The following RTP4 variants were observed in gnomAD, a reference collection of about 807,000 sequenced individuals.
The protein encoded by RTP4 is receptor transporter protein 4, also known as receptor-transporting protein 4.
RTP4 carries 5 observed loss-of-function variants against 6.5 expected under a neutral mutation model. That is an observed-to-expected ratio of 0.77 (90% CI 0.40 to 1.62). The LOEUF is 1.62. Among genes scored for constraint, RTP4 ranks in the 40% most tolerant of loss-of-function variants. The pLI, the probability that RTP4 is intolerant of heterozygous loss-of-function variation, is 0.02. For missense variants in RTP4, 266 were observed against 288.7 expected (o/e 0.92, Z 0.57); for synonymous variants, 112 against 114.8 (o/e 0.98, Z 0.15).
intron 1 of RTP4, 72 bp from the exon 2 acceptor site, chr3:187,370,714 CAG>C: frequency 9.8e-7 from 1 of 1,019,878 alleles, no homozygotes; most frequent in South Asian, 1.6e-5. Context: ...ATGTTAGTGA[CAG>C]GGGCCAAGAC....
chr3:187,371,572 G>A lies in RTP4; in HGVS notation c.*199G>A, dbSNP rs953051792. ...AATGGATTTAGTAATAAATATTGTC[G>A]AATTGCTAAAAAGTCTTCAATCATT... is the stretch of plus-strand genomic sequence containing the variant. On this transcript the variant is annotated 3_prime_UTR_variant, in exon 2 of 2. Transcript: ENST00000259030. 5.6e-5 allele frequency: 31 copies of A among 558,088 alleles called. No individual in the cohort carries two copies. The highest frequency in any genetic ancestry group is 8.5e-5 in the Non-Finnish European group (27 of 315,858). The allele number at this position is 558,088 out of a possible 1,614,324, so 34.6% of individuals were successfully genotyped here. A position where few individuals can be genotyped will look rare whatever the true frequency, so the allele number is the denominator to read the frequency against.
intron 1 of RTP4, among the ~76,000 whole-genome samples, chr3:187,369,707 A>G (rs1015563218): frequency 2.6e-5 from 4 of 151,864 alleles, no homozygotes; most frequent in Admixed American, 2.6e-4. Context: ...CAAATACAGT[A>G]TATGCTTATT....
intron 1 of RTP4, among the ~76,000 whole-genome samples, chr3:187,369,883 A>C (rs1193823895): frequency 6.6e-6 from 1 of 152,182 alleles, no homozygotes; most frequent in African/African-American, 2.4e-5. Flanking sequence ...TGAGGGACTC[A>C]TGATGTCTTA....
Position 187,371,545 on chromosome 3 carries a change from A to C in RTP4, c.*172A>C. ...AACAGTATGAAACATGACCAAGTAC[A>C]TAATGGATTTAGTAATAAATATTGT... On this transcript the variant is annotated 3_prime_UTR_variant, in exon 2 of 2. Transcript: ENST00000259030. 1 of 588,310 alleles carries C rather than the reference A, an allele frequency of 1.7e-6. No individual in the cohort carries two copies. Among genetic ancestry groups the C allele is most frequent in the Non-Finnish European group, 3.0e-6 (1 of 333,996 alleles). 36.4% of individuals were successfully genotyped at this position (588,310 alleles called of 1,614,324 possible). A position where few individuals can be genotyped will look rare whatever the true frequency, so the allele number is the denominator to read the frequency against.
intron 1 of RTP4, among the ~76,000 whole-genome samples, chr3:187,369,758 C>T (rs974515381): frequency 2.0e-5 from 3 of 152,082 alleles, no homozygotes; most frequent in Admixed American, 6.5e-5. Flanking sequence ...GCCTCCTAAA[C>T]GTCTCCAGAA....
rs374052366 is a variant in RTP4, at chr3:187,370,956, G to A, written c.324G>A (p.Ser108=). The stretch of plus-strand genomic sequence containing the variant: ...AATATGAGATGCCTGAGTTCTCCTC[G>A]GATAGCACCATGAGGATTCTGAGCA... The part of the protein sequence containing the change: ...WSQYEMPEFS[S]DSTMRILSNL... Residue 108 remains serine, a synonymous_variant, in exon 2 of 2, where the codon TCG becomes TCA. Coordinates refer to ENST00000259030, the MANE Select transcript of RTP4 (RefSeq NM_022147.3). 8 of 1,613,998 alleles carry A rather than the reference G, an allele frequency of 5.0e-6. No homozygotes were observed. The highest frequency in any genetic ancestry group is 2.7e-5 in the African/African-American group (2 of 74,892).
intron 1 of RTP4, 125 bp downstream of exon 1, chr3:187,368,721 G>A (rs1229115590): frequency 5.7e-6 from 5 of 870,316 alleles, no homozygotes; most frequent in Non-Finnish European, 1.7e-6. Flanking sequence ...ATCCTATTGT[G>A]GTCATAGTAC....
Position 187,371,321 on chromosome 3 carries a change from T to C in RTP4, c.689T>C (p.Val230Ala). Residue 230 changes from valine (V) to alanine (A), a missense_variant, in exon 2 of 2, where the codon GTC becomes GCC. Transcript: ENST00000259030. ...SRDPDPLNIC[V>A]FILLLVFIVV... ...GACCCAGATCCACTGAACATCTGTG[T>C]CTTTATTTTGCTGCTTGTATTTATT... is the stretch of plus-strand genomic sequence containing the variant. 1 of 1,602,360 alleles carries C rather than the reference T, an allele frequency of 6.2e-7. No homozygotes were observed. Among genetic ancestry groups the C allele is most frequent in the Non-Finnish European group, 8.5e-7 (1 of 1,179,924 alleles).
In RTP4 at chr3:187,371,499, G is replaced by A; in HGVS notation, c.*126G>A. ...GATCAAGTTTGTAGAATAAACACTG[G>A]TTTCCTAGCCATCCTCTGAAAACAG... On this transcript the variant is annotated 3_prime_UTR_variant, in exon 2 of 2. Coordinates refer to ENST00000259030, the MANE Select transcript of RTP4 (RefSeq NM_022147.3). 1.5e-6 allele frequency: 1 copy of A among 664,150 alleles called. No individual in the cohort carries two copies. The highest frequency in any genetic ancestry group is 2.5e-6 in the Non-Finnish European group (1 of 395,258). 41.1% of individuals were successfully genotyped at this position (664,150 alleles called of 1,614,324 possible).
At chr3:187,369,524 G>T (rs1032198395) in intron 1 of RTP4, among the ~76,000 whole-genome samples, 1 of 151,754 alleles carries the variant, frequency 6.6e-6, no homozygotes, top group African/African-American at 2.4e-5. Flanking sequence ...GCATTCTCTG[G>T]TTCTCCTAGG....
intron 1 of RTP4, 23 bp from the exon 2 acceptor site, chr3:187,370,765 G>T: frequency 6.3e-7 from 1 of 1,583,106 alleles, no homozygotes; most frequent in South Asian, 1.1e-5. Context: ...AAGGCATAAT[G>T]GGTGTCTTCC....
chr3:187,369,041 G>C (rs1711555269), intron 1 of RTP4, among the ~76,000 whole-genome samples: 1 of 149,684 alleles, frequency 6.7e-6, no homozygotes, highest in Admixed American at 6.6e-5. Flanking sequence ...TTAAGAATTG[G>C]CTAAGATCAA....
intron 1 of RTP4, among the ~76,000 whole-genome samples, chr3:187,369,040 G>A (rs1189210181): frequency 6.7e-6 from 1 of 148,290 alleles, no homozygotes; most frequent in Admixed American, 6.7e-5. Flanking sequence ...CTTAAGAATT[G>A]GCTAAGATCA....
intron 1 of RTP4, among the ~76,000 whole-genome samples, chr3:187,368,949 C>G (rs1711553322): frequency 6.6e-6 from 1 of 152,074 alleles, no homozygotes; most frequent in African/African-American, 2.4e-5. Flanking sequence ...TGACCAGCTT[C>G]CCCCAGCTGC....
intron 1 of RTP4, among the ~76,000 whole-genome samples, chr3:187,369,315 G>C (rs1243243611): frequency 1.3e-5 from 2 of 152,078 alleles, no homozygotes; most frequent in Non-Finnish European, 2.9e-5. Context: ...GTTTTCATCT[G>C]ACCTATTACT....
Position 187,368,419 on chromosome 3 carries a change from T to TTGAGAGAGGG in RTP4, c.-23_-22insTGAGAGAGGG, listed in dbSNP as rs773027682. The stretch of plus-strand genomic sequence containing the variant: ...AGAAACGAGCAAACCTGAAAGCTAC[T>TTGAGAGAGGG]CTCTCAGCTTCAGAGGGAAAAAATG... On this transcript the variant is annotated 5_prime_UTR_variant, in exon 1 of 2. Coordinates refer to ENST00000259030, the MANE Select transcript of RTP4 (RefSeq NM_022147.3). 113 of 1,591,848 alleles carry TTGAGAGAGGG rather than the reference T, an allele frequency of 7.1e-5. No homozygotes were observed. The African/African-American group carries it at 1.3e-3, about 18-fold the overall frequency.
chr3:187,370,169 CT>C (rs1649467540), intron 1 of RTP4, among the ~76,000 whole-genome samples: 1 of 152,184 alleles, frequency 6.6e-6, no homozygotes, highest in South Asian at 2.1e-4. Flanking sequence ...CTGATGTAAA[CT>C]GGATCTTCAA....
chr3:187,369,043 T>G (rs535037571), intron 1 of RTP4, among the ~76,000 whole-genome samples: 1 of 150,268 alleles, frequency 6.7e-6, no homozygotes, highest in Non-Finnish European at 1.5e-5. Flanking sequence ...AAGAATTGGC[T>G]AAGATCAAGC....
At chr3:187,370,532 C>G (rs1711585446) in intron 1 of RTP4, among the ~76,000 whole-genome samples, 2 of 152,132 alleles carry the variant, frequency 1.3e-5, no homozygotes, top group Admixed American at 6.5e-5. Flanking sequence ...GATTTTCCCT[C>G]AGAGGCATCT....
Sources: allele counts gnomAD v4.1 joint callset (sites outside exome capture counted in the v4.1 genomes callset), GRCh38; gene constraint gnomAD v4.1.1; transcripts MANE v1.5; gene names NCBI Gene and HGNC (gene_info 2026-07-23, HGNC 2026-07-21).